The following AAMDC variants were observed in gnomAD, a reference collection of about 807,000 sequenced individuals.
AAMDC encodes the protein mth938 domain-containing protein.
A neutral mutation model predicts 15.5 loss-of-function variants in AAMDC; 16 were observed. The observed-to-expected ratio is 1.03, with a 90% CI of 0.70 to 1.57. The LOEUF is 1.57. Ranked by LOEUF, AAMDC falls within the 40% of genes most tolerant of loss-of-function variation. AAMDC has a pLI of 0.00. For synonymous variants in AAMDC, 51 were observed against 51.6 expected, an observed-to-expected ratio of 0.99 and a Z score of 0.05; for missense variants, 141 against 144.9, an observed-to-expected ratio of 0.97 and a Z score of 0.14.
At chr11:77,895,429 G>A (rs1394774051) in intron 5 of AAMDC, among the ~76,000 whole-genome samples, 37 of 145,280 alleles carry the variant, frequency 2.5e-4, no homozygotes, top group African/African-American at 9.4e-4. Context: ...ACAGGCAGCA[G>A]TCAATAAGTA....
intron 1 of AAMDC, among the ~76,000 whole-genome samples, chr11:77,822,254 A>G (rs1005266317): frequency 2.6e-5 from 4 of 152,008 alleles, no homozygotes; most frequent in Admixed American, 2.6e-4. Flanking sequence ...AGCCTGGGCA[A>G]CATGGTGAAA....
chr11:77,836,725 G>A (rs1254143366), intron 1 of AAMDC, among the ~76,000 whole-genome samples: 1 of 152,202 alleles, frequency 6.6e-6, no homozygotes, highest in Non-Finnish European at 1.5e-5. Context: ...CAGTACTTTG[G>A]GAGGCCTAGG....
chr11:77,841,247 T>C (rs1399032186), intron 1 of AAMDC: 2 of 702,322 alleles, frequency 2.8e-6, no homozygotes, highest in East Asian at 2.7e-5. Flanking sequence ...AATGTTGTTA[T>C]AATGGCAGTT....
At chr11:77,894,752 C>G (rs1591021060) in intron 5 of AAMDC, among the ~76,000 whole-genome samples, 3 of 152,198 alleles carry the variant, frequency 2.0e-5, no homozygotes, top group Admixed American at 2.0e-4. Flanking sequence ...TCTCCTTGCA[C>G]ATGAGCTGTC....
chr11:77,825,402 C>T (rs1336476453), intron 1 of AAMDC, among the ~76,000 whole-genome samples: 1 of 152,102 alleles, frequency 6.6e-6, no homozygotes, highest in African/African-American at 2.4e-5. Context: ...TTATCTAAAA[C>T]TCACTTTAAA....
intron 1 of AAMDC, chr11:77,829,507 G>C (rs1408293909): frequency 1.3e-5 from 2 of 152,206 alleles, no homozygotes; most frequent in Admixed American, 1.3e-4. Flanking sequence ...ATCTAATGGG[G>C]AAAGAATAGT....
intron 5 of AAMDC, among the ~76,000 whole-genome samples, chr11:77,888,070 CTACTT>C (rs1160434983): frequency 6.6e-6 from 1 of 152,180 alleles, no homozygotes; most frequent in African/African-American, 2.4e-5. Context: ...TTGGAAAAAA[CTACTT>C]TAAAGTTCAT....
At chr11:77,892,918 T>C (rs1368136188) in intron 5 of AAMDC, among the ~76,000 whole-genome samples, 1 of 152,124 alleles carries the variant, frequency 6.6e-6, no homozygotes, top group Non-Finnish European at 1.5e-5. Context: ...AGCTAGATGG[T>C]AAGTTTGCTA....
rs371524064 is a variant in AAMDC, at chr11:77,835,388, C to G, written c.-18-7091C>G. ...ACCTAATTCCTAGACTTTGGGATAA[C>G]TACTATACCTGCCGTATGTTGACTA... On this transcript the variant is annotated intron_variant, in intron 1 of 3. Coordinates refer to ENST00000393427, the MANE Select transcript of AAMDC (RefSeq NM_024684.4). Among the ~76,000 whole-genome samples, 448 of 152,238 alleles carry G rather than the reference C, an allele frequency of 2.9e-3. 2 individuals carry two copies. Among genetic ancestry groups the G allele is most frequent in the African/African-American group, 0.01 (430 of 41,540 alleles).
At chr11:77,896,213 GA>G (rs1252100277) in intron 5 of AAMDC, among the ~76,000 whole-genome samples, 4 of 151,182 alleles carry the variant, frequency 2.6e-5, no homozygotes, top group African/African-American at 9.7e-5. Flanking sequence ...GACAAGAAGA[GA>G]AACTATACAG....
intron 2 of AAMDC, among the ~76,000 whole-genome samples, chr11:77,861,841 T>G (rs1950892277): frequency 6.6e-6 from 1 of 152,114 alleles, no homozygotes; most frequent in Non-Finnish European, 1.5e-5. Context: ...TGATCTCTAT[T>G]ACAAAAAACC....
intron 1 of AAMDC, among the ~76,000 whole-genome samples, chr11:77,832,986 TGTGTGTGTGTG>T (rs1949510794): frequency 1.4e-5 from 1 of 69,470 alleles, no homozygotes; most frequent in Non-Finnish European, 2.7e-5. Flanking sequence ...TGTGTGTGTG[TGTGTGTGTGTG>T]TATATATATA....
downstream of AAMDC, among the ~76,000 whole-genome samples, chr11:77,905,317 C>A (rs1291702461): frequency 2.0e-5 from 3 of 151,958 alleles, no homozygotes; most frequent in African/African-American, 7.3e-5. Context: ...ATTAGCCAGG[C>A]GTGGTGGTGC....
chr11:77,834,904 A>G (rs1276329347), intron 1 of AAMDC, among the ~76,000 whole-genome samples: 1 of 152,182 alleles, frequency 6.6e-6, no homozygotes, highest in Non-Finnish European at 1.5e-5. Flanking sequence ...TAATACTGAG[A>G]GTGGAATACA....
intron 5 of AAMDC, among the ~76,000 whole-genome samples, chr11:77,893,891 T>TTAAATAAA (rs56269909): frequency 0.58 from 80,245 of 137,670 alleles, 23,735 homozygotes; most frequent in East Asian, 0.77. Flanking sequence ...AGACTCTGTC[T>TTAAATAAA]TAAATAAATA....
chr11:77,850,032 CA>C (rs1950308580), intron 2 of AAMDC, among the ~76,000 whole-genome samples: 1 of 152,198 alleles, frequency 6.6e-6, no homozygotes. Context: ...GCATTTAACA[CA>C]GTGCCAGTAA....
downstream of AAMDC, among the ~76,000 whole-genome samples, chr11:77,874,336 T>C (rs1047535969): frequency 1.3e-5 from 2 of 152,176 alleles, no homozygotes; most frequent in South Asian, 4.1e-4. Flanking sequence ...AGAAGGATGT[T>C]TGATAAAATT....
Position 77,869,818 on chromosome 11 carries a change from G to T in AAMDC, c.228+1G>T, listed in dbSNP as rs754713270. 1.2e-6 allele frequency: 2 copies of T among 1,613,264 alleles called. No individual in the cohort carries two copies. Among genetic ancestry groups the T allele is most frequent in the Non-Finnish European group, 1.7e-6 (2 of 1,179,370 alleles). ...CCGAGGGATGAGTGAGGCCTTGAAG[G>T]TAGGTGTTGGTATGCACAGCATTCC... On this transcript the variant is annotated splice_donor_variant, in intron 3 of 3. Coordinates refer to ENST00000393427, the MANE Select transcript of AAMDC (RefSeq NM_024684.4). LOFTEE classifies it high-confidence loss of function.
chr11:77,887,196 C>T (rs1952050757), intron 5 of AAMDC, among the ~76,000 whole-genome samples: 2 of 152,178 alleles, frequency 1.3e-5, no homozygotes, highest in African/African-American at 2.4e-5. Flanking sequence ...AAACCAAATC[C>T]AGCAGCACAT....
Sources: gnomAD v4.1 joint callset for allele counts (sites outside exome capture counted in the v4.1 genomes callset) on GRCh38, gnomAD v4.1.1 for gene constraint, MANE v1.5 for transcripts, NCBI Gene and HGNC (gene_info 2026-07-23, HGNC 2026-07-21) for gene names.